The following MTAP variants were observed in gnomAD, a reference collection of about 807,000 sequenced individuals.
The protein encoded by MTAP is S-methyl-5'-thioadenosine phosphorylase.
MTAP carries 33 observed loss-of-function variants against 33.6 expected under a neutral mutation model. The observed-to-expected ratio is 0.98, with a 90% CI of 0.74 to 1.31. MTAP has a LOEUF of 1.31. MTAP is among the 40% of genes most tolerant of loss of function. The pLI, the probability that MTAP is intolerant of heterozygous loss-of-function variation, is 0.00. For missense variants in MTAP, 367 were observed against 360.0 expected (o/e 1.02, Z -0.16); for synonymous variants, 148 against 125.7 (o/e 1.18, Z -1.19).
intron 4 of MTAP, among the ~76,000 whole-genome samples, chr9:21,834,069 G>A (rs560845175): frequency 1.3e-5 from 2 of 151,956 alleles, no homozygotes; most frequent in Non-Finnish European, 2.9e-5. Flanking sequence ...CAATTTGTTG[G>A]ATACCCTTGA....
chr9:21,905,536 A>C (rs1212310595), intron 1 of MTAP, among the ~76,000 whole-genome samples: 1 of 152,238 alleles, frequency 6.6e-6, no homozygotes, highest in African/African-American at 2.4e-5. Flanking sequence ...AACATGGAAG[A>C]CTAGAAAATA....
chr9:21,886,790 C>T (rs971772072), intron 1 of MTAP, among the ~76,000 whole-genome samples: 3 of 152,110 alleles, frequency 2.0e-5, no homozygotes, highest in East Asian at 1.9e-4. Flanking sequence ...GTTCCGTTGG[C>T]GTATGTGTGC....
intron 4 of MTAP, among the ~76,000 whole-genome samples, chr9:21,821,159 G>T (rs1044838961): frequency 6.6e-6 from 1 of 152,128 alleles, no homozygotes; most frequent in Non-Finnish European, 1.5e-5. Flanking sequence ...TTCCAGCACT[G>T]TGTTGAATAG....
intron 5 of MTAP, among the ~76,000 whole-genome samples, chr9:21,842,930 T>A (rs1457587381): frequency 6.6e-6 from 1 of 152,176 alleles, no homozygotes; most frequent in Non-Finnish European, 1.5e-5. Context: ...ATGTCGAATG[T>A]AAATGACCTA....
intron 3 of MTAP, among the ~76,000 whole-genome samples, chr9:21,817,521 C>A (rs372948791): frequency 7.2e-5 from 11 of 152,012 alleles, no homozygotes; most frequent in African/African-American, 2.4e-4. Context: ...GCCTTTGGCT[C>A]CTAGAGGTGG....
chr9:21,900,987 A>T (rs1026032942), intron 1 of MTAP, among the ~76,000 whole-genome samples: 15 of 152,168 alleles, frequency 9.9e-5, no homozygotes, highest in Non-Finnish European at 1.9e-4. Flanking sequence ...GAACACAAAG[A>T]AGGGAACAAC....
At position 21,865,209 on chromosome 9, in the gene MTAP, T is replaced by C. The variant is rs959393161; in HGVS notation, c.*3195T>C. 3 of 577,456 alleles carry C rather than the reference T, an allele frequency of 5.2e-6. No homozygotes were observed. Among genetic ancestry groups the C allele is most frequent in the African/African-American group, 4.1e-5 (2 of 49,236 alleles). 35.8% of individuals were successfully genotyped at this position (577,456 alleles called of 1,614,324 possible). ...TACCCCCACACTGCTGTTCTCATGATACTGAGTTCTCACAAGTCCTGTTTG... is the reference window on the plus strand; with the variant it reads ...TACCCCCACACTGCTGTTCTCATGACACTGAGTTCTCACAAGTCCTGTTTG... On this transcript the variant is annotated 3_prime_UTR_variant, in exon 8 of 8. Transcript: ENST00000644715.
At position 21,856,877 on chromosome 9, in the gene MTAP, T is replaced by G. The variant is rs552842934; in HGVS notation, c.690+2007T>G. Among the ~76,000 whole-genome samples, 6 of 152,362 alleles carry G rather than the reference T, an allele frequency of 3.9e-5. No individual in the cohort carries two copies. The South Asian group carries it at 1.2e-3, about 32-fold the overall frequency. On this transcript the variant is annotated intron_variant, in intron 6 of 7. Transcript: ENST00000644715. ...TTGCTTGTCACATTGGGCGAGTTAT[T>G]TCACTTGTTTACTCTTCTGTAGAAT...
chr9:21,852,912 G>A (rs1233981806), intron 5 of MTAP, among the ~76,000 whole-genome samples: 1 of 152,158 alleles, frequency 6.6e-6, no homozygotes, highest in Non-Finnish European at 1.5e-5. Context: ...GGTGAGGGTT[G>A]TGGTACTTTC....
Position 21,866,214 on chromosome 9 carries a change from T to C in MTAP, c.*4200T>C, listed in dbSNP as rs929922702. 6.6e-6 allele frequency: 1 copy of C among 152,256 alleles called. No individual in the cohort carries two copies. The highest frequency in any genetic ancestry group is 2.4e-5 in the African/African-American group (1 of 41,462). 9.4% of individuals were successfully genotyped at this position (152,256 alleles called of 1,614,324 possible). On this transcript the variant is annotated 3_prime_UTR_variant, in exon 8 of 8. Coordinates refer to ENST00000644715, the MANE Select transcript of MTAP (RefSeq NM_002451.4). ...TGAACTATCTGTACAAATATTTTTGTTTATTAAAAAATTAGATTGTTTTGT... is the reference window on the plus strand; with the variant it reads ...TGAACTATCTGTACAAATATTTTTGCTTATTAAAAAATTAGATTGTTTTGT...
At chr9:21,814,492 G>T (rs1223441955) in intron 1 of MTAP, among the ~76,000 whole-genome samples, 2 of 152,226 alleles carry the variant, frequency 1.3e-5, no homozygotes, top group South Asian at 4.1e-4. Flanking sequence ...CTCTCTAGGA[G>T]GTACCAGCCC....
intron 4 of MTAP, among the ~76,000 whole-genome samples, chr9:21,820,224 A>G (rs1469169783): frequency 2.0e-5 from 3 of 152,186 alleles, no homozygotes; most frequent in African/African-American, 4.8e-5. Flanking sequence ...CCCCATGCCT[A>G]TGTCCTGAAT....
intron 4 of MTAP, among the ~76,000 whole-genome samples, chr9:21,826,629 TA>T (rs1179661568): frequency 1.3e-5 from 2 of 148,686 alleles, no homozygotes; most frequent in African/African-American, 4.9e-5. Flanking sequence ...TTATTATTAT[TA>T]TTATTATTAT....
Position 21,865,311 on chromosome 9 carries a change from C to A in MTAP, c.*3297C>A. Reference sequence around the variant, plus strand: ...GTGAAGAAGGACGTGTTTGTTTCCCCTTCTGCCACGATTGTAAGTTTCCTG... The same window carrying A: ...GTGAAGAAGGACGTGTTTGTTTCCCATTCTGCCACGATTGTAAGTTTCCTG... On this transcript the variant is annotated 3_prime_UTR_variant, in exon 8 of 8. Coordinates refer to ENST00000644715, the MANE Select transcript of MTAP (RefSeq NM_002451.4). 1.8e-6 allele frequency: 1 copy of A among 543,386 alleles called. No individual in the cohort carries two copies. The highest frequency in any genetic ancestry group is 2.3e-6 in the Non-Finnish European group (1 of 426,420). The allele number at this position is 543,386 out of a possible 1,614,324, so 33.7% of individuals were successfully genotyped here.
chr9:21,895,434 G>A (rs1055873822), intron 1 of MTAP, among the ~76,000 whole-genome samples: 1 of 152,210 alleles, frequency 6.6e-6, no homozygotes, highest in Admixed American at 6.5e-5. Context: ...AGTGATTTCT[G>A]TATTTCCAAC....
At chr9:21,861,868 C>T (rs1825760751) in intron 7 of MTAP, 108 bp from the exon 8 acceptor site, 1 of 779,338 alleles carries the variant, frequency 1.3e-6, no homozygotes, top group South Asian at 1.5e-5. Context: ...TGTATGTTTC[C>T]TGCGTCCTCA....
At chr9:21,856,840 G>A (rs1277584902) in intron 6 of MTAP, among the ~76,000 whole-genome samples, 1 of 152,190 alleles carries the variant, frequency 6.6e-6, no homozygotes, top group Non-Finnish European at 1.5e-5. Flanking sequence ...CTTCAGATTT[G>A]AGTTGCTCCA....
intron 1 of MTAP, among the ~76,000 whole-genome samples, chr9:21,907,968 A>G (rs188489844): frequency 8.9e-4 from 136 of 152,306 alleles, no homozygotes; most frequent in African/African-American, 3.1e-3. Context: ...AGTACATTCA[A>G]TGGTAGGCTG....
chr9:21,807,548 T>G (rs931637424), intron 1 of MTAP, among the ~76,000 whole-genome samples: 5 of 151,928 alleles, frequency 3.3e-5, no homozygotes, highest in African/African-American at 1.2e-4. Context: ...ACCCTTAACC[T>G]CCTCCACAGA....
Sources: allele counts gnomAD v4.1 joint callset (sites outside exome capture counted in the v4.1 genomes callset), GRCh38; gene constraint gnomAD v4.1.1; transcripts MANE v1.5; gene names NCBI Gene and HGNC (gene_info 2026-07-23, HGNC 2026-07-21).